Variants in RBFOX1 observed in about 807,000 individuals in gnomAD.
RBFOX1 encodes RNA binding fox-1 homolog 1.
Under a neutral mutation model 57.7 loss-of-function variants are expected in RBFOX1, and 8 were observed. The ratio of observed to expected loss-of-function variants is 0.14; its 90% CI spans 0.08 to 0.25. The LOEUF is 0.25. Ranked by LOEUF, RBFOX1 falls within the 10% of genes least tolerant of loss-of-function variation. The pLI is 1.00. For synonymous variants in RBFOX1, 326 were observed against 222.4 expected, an observed-to-expected ratio of 1.47 and a Z score of -4.15; for missense variants, 611 against 548.5, an observed-to-expected ratio of 1.11 and a Z score of -1.14.
intron 1 of RBFOX1, among the ~76,000 whole-genome samples, chr16:6,226,174 A>G (rs2152891884): frequency 6.7e-6 from 1 of 148,410 alleles, no homozygotes; most frequent in Non-Finnish European, 1.5e-5. Flanking sequence ...AGCCTGCAAC[A>G]TGGTGAAACC....
At chr16:7,250,322 C>G (rs1353108604) in intron 4 of RBFOX1, among the ~76,000 whole-genome samples, 1 of 152,114 alleles carries the variant, frequency 6.6e-6, no homozygotes, top group Non-Finnish European at 1.5e-5. Flanking sequence ...GCGTGGGATG[C>G]TTATATTAAT....
intron 4 of RBFOX1, among the ~76,000 whole-genome samples, chr16:7,293,878 C>T (rs1195819094): frequency 2.0e-5 from 3 of 152,102 alleles, no homozygotes; most frequent in African/African-American, 7.2e-5. Flanking sequence ...TGTCTTTGAC[C>T]TGTGTTCCAG....
rs1290345188 is a variant in RBFOX1 at position 5,424,938 on chromosome 16, TCTC to T, written c.220-42277_220-42275del. Among the ~76,000 whole-genome samples the T allele has an allele frequency of 1.4e-3, 128 of 89,094 alleles. 4 individuals are homozygous for T. The highest frequency in any genetic ancestry group is 3.3e-3 in the African/African-American group (77 of 23,566). 58.4% of individuals were successfully genotyped at this position (89,094 alleles called of 152,430 possible). A position where few individuals can be genotyped will look rare whatever the true frequency, so the allele number is the denominator to read the frequency against. ...TTCTTTCTTTCTTTCTTTCTTTCTC[TCTC>T]TTCTTTCTTCCTTTGTTTCTTTCTC... is the stretch of plus-strand genomic sequence containing the variant. On this transcript the variant is annotated intron_variant, in intron 1 of 2. Coordinates refer to the RBFOX1 transcript ENST00000585867.
At chr16:6,915,756 T>C (rs1474195532) in intron 3 of RBFOX1, among the ~76,000 whole-genome samples, 1 of 152,120 alleles carries the variant, frequency 6.6e-6, no homozygotes, top group Non-Finnish European at 1.5e-5. Context: ...TTTGCCATGT[T>C]GCCCATGCTG....
chr16:6,188,418 CAA>C (rs57875210), intron 1 of RBFOX1, among the ~76,000 whole-genome samples: 50,251 of 124,328 alleles, frequency 0.4, 9,213 homozygotes, highest in African/African-American at 0.44. Flanking sequence ...TTGTTTTAGC[CAA>C]AAAAAAAAAA....
intron 3 of RBFOX1, among the ~76,000 whole-genome samples, chr16:6,926,283 G>A (rs2075571178): frequency 6.6e-6 from 1 of 152,028 alleles, no homozygotes; most frequent in South Asian, 2.1e-4. Flanking sequence ...CTACAGCCTG[G>A]GCAACAGAGC....
rs150314749 is a variant in RBFOX1, at chr16:5,319,095, C to G, written c.219+78990C>G. 7.8e-3 allele frequency among the ~76,000 whole-genome samples: 1,184 copies of G among 152,240 alleles called. 17 individuals carry two copies. The highest frequency in any genetic ancestry group is 0.027 in the African/African-American group (1,127 of 41,514). ...TGAGCCGAGATCACGCCACTGCACT[C>G]CAGCCTGGGCAACAGAGTAAGACTC... On this transcript the variant is annotated intron_variant, in intron 1 of 2. Coordinates refer to the RBFOX1 transcript ENST00000585867.
intron 4 of RBFOX1, among the ~76,000 whole-genome samples, chr16:6,003,814 G>C (rs1048991317): frequency 6.6e-6 from 1 of 152,210 alleles, no homozygotes; most frequent in African/African-American, 2.4e-5. Context: ...TGAGTGAGGA[G>C]GGTCTGTGCC....
intron 3 of RBFOX1, among the ~76,000 whole-genome samples, chr16:6,962,573 C>T (rs2083252187): frequency 6.6e-6 from 1 of 152,144 alleles, no homozygotes; most frequent in East Asian, 1.9e-4. Flanking sequence ...AACCTGTTAA[C>T]ATGAGGCTTG....
intron 3 of RBFOX1, among the ~76,000 whole-genome samples, chr16:6,830,828 T>G (rs1030113487): frequency 6.6e-6 from 1 of 152,312 alleles, no homozygotes; most frequent in African/African-American, 2.4e-5. Flanking sequence ...CGGTGTTGAC[T>G]TTACAATATC....
At chr16:7,462,282 G>T (rs566131025) in intron 4 of RBFOX1, among the ~76,000 whole-genome samples, 3 of 152,304 alleles carry the variant, frequency 2.0e-5, no homozygotes, top group African/African-American at 7.2e-5. Flanking sequence ...AACACCCGGG[G>T]TCAGGAGTTC....
chr16:6,211,486 C>A (rs1006524923), intron 1 of RBFOX1, among the ~76,000 whole-genome samples: 9 of 152,124 alleles, frequency 5.9e-5, no homozygotes, highest in Non-Finnish European at 8.8e-5. Context: ...CCTCTGCCTC[C>A]CAAAGTGCTG....
intron 4 of RBFOX1, among the ~76,000 whole-genome samples, chr16:7,113,917 T>A (rs1417928907): frequency 2.0e-5 from 3 of 152,182 alleles, no homozygotes; most frequent in Admixed American, 1.3e-4. Context: ...TTTCTTTTTA[T>A]AGGATATATT....
intron 2 of RBFOX1, among the ~76,000 whole-genome samples, chr16:5,484,968 A>G (rs1362364059): frequency 6.6e-6 from 1 of 151,746 alleles, no homozygotes; most frequent in African/African-American, 2.4e-5. Context: ...CTGAAGCAAG[A>G]GGATTGCTTG....
chr16:5,614,294 C>T (rs1359394242), intron 3 of RBFOX1, among the ~76,000 whole-genome samples: 1 of 152,114 alleles, frequency 6.6e-6, no homozygotes, highest in Non-Finnish European at 1.5e-5. Context: ...TCATTTCCCC[C>T]TAGGTCTCTC....
At chr16:6,971,757 C>T (rs1486251886) in intron 3 of RBFOX1, among the ~76,000 whole-genome samples, 2 of 151,970 alleles carry the variant, frequency 1.3e-5, no homozygotes, top group East Asian at 1.9e-4. Context: ...GTGGAGATGT[C>T]ACTTAAGTGG....
intron 4 of RBFOX1, among the ~76,000 whole-genome samples, chr16:7,174,201 C>A (rs764092819): frequency 1.4e-4 from 21 of 150,898 alleles, no homozygotes; most frequent in Non-Finnish European, 2.5e-4. Context: ...TTTTCGTGAA[C>A]ATGAGGATGA....
chr16:7,092,000 G>A (rs577778227), intron 4 of RBFOX1, among the ~76,000 whole-genome samples: 5 of 152,004 alleles, frequency 3.3e-5, no homozygotes, highest in African/African-American at 1.2e-4. Context: ...CAATACACGT[G>A]CCCTTTGTAG....
intron 4 of RBFOX1, among the ~76,000 whole-genome samples, chr16:7,194,035 T>C (rs1181331445): frequency 6.6e-6 from 1 of 152,172 alleles, no homozygotes; most frequent in African/African-American, 2.4e-5. Flanking sequence ...TAGACGGGTA[T>C]ACATGATGCT....
Sources: gnomAD v4.1 joint callset for allele counts (sites outside exome capture counted in the v4.1 genomes callset) on GRCh38, gnomAD v4.1.1 for gene constraint, MANE v1.5 for transcripts, NCBI Gene and HGNC (gene_info 2026-07-23, HGNC 2026-07-21) for gene names.